ZSCAN32: variants seen among roughly 807,000 people sequenced by gnomAD.
ZSCAN32 encodes zinc finger and SCAN domain-containing protein 32.
ZSCAN32 carries 52 observed loss-of-function variants against 47.4 expected under a neutral mutation model. The ratio of observed to expected loss-of-function variants is 1.10; its 90% CI spans 0.88 to 1.38. The LOEUF (loss-of-function observed/expected upper bound fraction) is 1.38, where lower values mean the gene tolerates loss of function less well. Among genes scored for constraint, ZSCAN32 ranks in the 40% most tolerant of loss-of-function variants. The probability of loss-of-function intolerance (pLI) is 0.00; values close to 1 mark genes in which losing one functional copy is unlikely to be tolerated. For synonymous variants in ZSCAN32, 346 were observed against 305.7 expected (o/e 1.13, Z -1.38); for missense variants, 959 against 846.0 (o/e 1.13, Z -1.66).
chr16:3,387,506 A>G lies in ZSCAN32; in HGVS notation c.751+2504T>C, dbSNP rs139107138. 2.7e-3 allele frequency among the ~76,000 whole-genome samples: 411 copies of G among 152,278 alleles called. 2 individuals carry two copies. The highest frequency in any genetic ancestry group is 8.7e-3 in the Admixed American group (133 of 15,300). On this transcript the variant is annotated intron_variant, in intron 5 of 6. Coordinates refer to ENST00000396852, the MANE Select transcript of ZSCAN32 (RefSeq NM_001284527.2). ...CTACTAAATAACCCTCACCACACAC[A>G]CCTGCTGCCCATCTGGGCCAGTTCA...
intron 2 of ZSCAN32, 54 bp from the exon 3 acceptor site, chr16:3,393,868 T>C: frequency 6.9e-7 from 1 of 1,445,276 alleles, no homozygotes; most frequent in South Asian, 1.4e-5. Flanking sequence ...AGCTGGACTT[T>C]ACAACTCCTA....
rs751696132 is a variant in ZSCAN32 at position 3,392,023 on chromosome 16, CTT to C, written c.533-1508_533-1507del. Among the ~76,000 whole-genome samples the C allele has an allele frequency of 6.6e-5, 10 of 152,274 alleles. No homozygotes were observed. The East Asian group carries it at 7.7e-4, about 12-fold the overall frequency. On this transcript the variant is annotated intron_variant, in intron 3 of 6. Transcript: ENST00000396852. ...AGCCAAATTACTTTATGGAAAAAGA[CTT>C]ATAAAAATATAGACCCTTGGAATAT...
intron 5 of ZSCAN32, among the ~76,000 whole-genome samples, chr16:3,386,026 A>C (rs1336311334): frequency 4.6e-5 from 7 of 152,202 alleles, no homozygotes; most frequent in Admixed American, 1.3e-4. Flanking sequence ...AATGGGAGAA[A>C]ATTTTTGCAA....
rs144099672 is a variant in ZSCAN32 at position 3,384,924 on chromosome 16, C to G, written c.769G>C (p.Gly257Arg). Residue 257 changes from glycine (G) to arginine (R), a missense_variant, in exon 6 of 7, where the codon GGC becomes CGC. Physicochemically the swap from Gly to Arg is moderately radical, Grantham distance 125. Coordinates refer to ENST00000396852, the MANE Select transcript of ZSCAN32 (RefSeq NM_001284527.2). ...AGGAGCGTCTTGGTCTCTTCATAGCCCCAGGGCACACCTGTTGCTGGGGGA... is the reference window on the plus strand; with the variant it reads ...AGGAGCGTCTTGGTCTCTTCATAGCGCCAGGGCACACCTGTTGCTGGGGGA... ...HVSLATGVPW[G>R]YEETKTLLAI... 6.2e-7 allele frequency: 1 copy of G among 1,612,822 alleles called. No individual in the cohort carries two copies. Among genetic ancestry groups the G allele is most frequent in the Admixed American group, 1.7e-5 (1 of 59,898 alleles).
At chr16:3,391,670 A>C in intron 3 of ZSCAN32, among the ~76,000 whole-genome samples, 2 of 137,816 alleles carry the variant, frequency 1.5e-5, no homozygotes, top group Non-Finnish European at 1.6e-5. Flanking sequence ...CAAGAGTGAA[A>C]CTCCATCTCA....
At chr16:3,400,884 C>T (rs1393661581) in intron 1 of ZSCAN32, 61 bp downstream of exon 1, 2 of 152,324 alleles carry the variant, frequency 1.3e-5, no homozygotes, top group East Asian at 3.9e-4. Context: ...GGGAGGGGCT[C>T]CTCGGCCGTC....
At chr16:3,389,321 C>A (rs1458407941) in intron 5 of ZSCAN32, among the ~76,000 whole-genome samples, 2 of 152,132 alleles carry the variant, frequency 1.3e-5, no homozygotes, top group Admixed American at 6.5e-5. Flanking sequence ...GTGTTCACAG[C>A]CTTGTGTAGT....
chr16:3,384,472 G>C lies in ZSCAN32; in HGVS notation c.1221C>G (p.Phe407Leu). Residue 407 changes from phenylalanine (F) to leucine (L), a missense_variant, in exon 6 of 7, where the codon TTC (phenylalanine) becomes TTG (leucine). Physicochemically the swap from Phe to Leu is conservative, Grantham distance 22 (BLOSUM62 0). Coordinates refer to ENST00000396852, the MANE Select transcript of ZSCAN32 (RefSeq NM_001284527.2). Reference sequence around the variant, plus strand: ...AGGGAGTCTTACCAAGTCTGTTTGGGAACAGCACTGGCAGGTCTAGTTTCC... The same window carrying C: ...AGGGAGTCTTACCAAGTCTGTTTGGCAACAGCACTGGCAGGTCTAGTTTCC... ...EVRKLDLPVLFPNRLGFEFKN... is the reference protein window; with the variant it reads ...EVRKLDLPVLLPNRLGFEFKN... 1 of 1,614,108 alleles carries C rather than the reference G, an allele frequency of 6.2e-7. No individual in the cohort carries two copies. Among genetic ancestry groups the C allele is most frequent in the Non-Finnish European group, 8.5e-7 (1 of 1,180,010 alleles).
intron 3 of ZSCAN32, among the ~76,000 whole-genome samples, chr16:3,391,979 G>C (rs2032758340): frequency 6.6e-6 from 1 of 152,144 alleles, no homozygotes. Flanking sequence ...CAATTAAACA[G>C]AAAAGGCAGC....
Position 3,397,442 on chromosome 16 carries a change from C to T in ZSCAN32, c.116G>A (p.Arg39His), listed in dbSNP as rs989855613. 6.4e-6 allele frequency: 10 copies of T among 1,551,124 alleles called. No individual in the cohort carries two copies. Among genetic ancestry groups the T allele is most frequent in the Middle Eastern group, 1.7e-4 (1 of 6,014 alleles). ...CTCCTGGTAGCAAAACTGCCTGAAG[C>T]GCTGACGGGAGGCCTCGGAGTCAGG... Reference protein sequence around the residue: ...NSPDSEASRQRFRQFCYQEVT... With the variant: ...NSPDSEASRQHFRQFCYQEVT... The change falls in exon 2 of 7, where the codon CGC (arginine) becomes CAC (histidine). Residue 39 changes from arginine (R) to histidine (H), a missense_variant. By Grantham distance (29) the Arg-to-His change is conservative. Transcript: ENST00000396852.
chr16:3,389,280 T>C (rs577895048), intron 5 of ZSCAN32, among the ~76,000 whole-genome samples: 2 of 152,246 alleles, frequency 1.3e-5, no homozygotes, highest in Non-Finnish European at 2.9e-5. Flanking sequence ...GGCAACATTG[T>C]AGAGTGAGGC....
chr16:3,399,519 C>T (rs2033687707), intron 1 of ZSCAN32, among the ~76,000 whole-genome samples: 1 of 152,004 alleles, frequency 6.6e-6, no homozygotes, highest in African/African-American at 2.4e-5. Context: ...TCTCCAAGGC[C>T]AGTTTATGTA....
At chr16:3,394,091 C>T (rs2033135071) in intron 2 of ZSCAN32, among the ~76,000 whole-genome samples, 3 of 152,094 alleles carry the variant, frequency 2.0e-5, no homozygotes, top group Admixed American at 2.0e-4. Flanking sequence ...GTGAAAGAAA[C>T]CCCGTCTCTA....
rs1423095006 is a variant in ZSCAN32, at chr16:3,400,102, G to A, written c.-188+843C>T. Among the ~76,000 whole-genome samples, 3 of 152,238 alleles carry A rather than the reference G, an allele frequency of 2.0e-5. No individual in the cohort carries two copies. The East Asian group carries it at 5.8e-4, about 29-fold the overall frequency. On this transcript the variant is annotated intron_variant, in intron 1 of 6. Transcript: ENST00000396852. ...CTTAAAAATGGTTATGATGGTAAAT[G>A]TTTTTTAAAAATTAAAGAAATTTTT... is the stretch of plus-strand genomic sequence containing the variant.
At chr16:3,384,264 G>T in intron 6 of ZSCAN32, 195 bp downstream of exon 6, 1 of 702,534 alleles carries the variant, frequency 1.4e-6, no homozygotes, top group Non-Finnish European at 2.3e-6. Flanking sequence ...GAAAGAGGTT[G>T]GCAAATGCAA....
At chr16:3,397,842 A>AG in intron 1 of ZSCAN32, 98 bp from the exon 2 acceptor site, 10 of 302,962 alleles carry the variant, frequency 3.3e-5, no homozygotes, top group South Asian at 1.1e-4. Context: ...CTCCCTCCAC[A>AG]AATCTACACC....
At chr16:3,392,355 C>A (rs1047221833) in intron 3 of ZSCAN32, among the ~76,000 whole-genome samples, 2 of 148,984 alleles carry the variant, frequency 1.3e-5, no homozygotes, top group African/African-American at 2.5e-5. Context: ...TGTTATGTGA[C>A]CTTCACCTCA....
Position 3,397,272 on chromosome 16 carries a change from A to C in ZSCAN32, c.286T>G (p.Trp96Gly), listed in dbSNP as rs1222653384. The C allele has an allele frequency of 6.4e-7, 1 of 1,570,626 alleles. No individual in the cohort carries two copies. The highest frequency in any genetic ancestry group is 1.9e-5 in the Admixed American group (1 of 53,336). ...TTTTCTGGATGCTGCTCCCTCACCC[A>C]GGTCTGGATCTCCTCTGGCAAGATA... ...LTILPEEIQT[W>G]VREQHPENGE... Residue 96 changes from tryptophan to glycine, a missense_variant, in exon 2 of 7, where the codon TGG (tryptophan) becomes GGG (glycine). Transcript: ENST00000396852.
rs532203265 is a variant in ZSCAN32, at chr16:3,397,198, T to A, written c.360A>T (p.Gly120=). The A allele has an allele frequency of 9.2e-6, 14 of 1,524,306 alleles. No individual in the cohort carries two copies. Among genetic ancestry groups the A allele is most frequent in the Admixed American group, 2.2e-5 (1 of 45,516 alleles). The allele number at this position is 1,524,306 out of a possible 1,614,324, so 94.4% of individuals were successfully genotyped here. A position where few individuals can be genotyped will look rare whatever the true frequency, so the allele number is the denominator to read the frequency against. Residue 120 remains glycine, a synonymous_variant, in exon 2 of 7, where the codon GGA becomes GGT. Coordinates refer to ENST00000396852, the MANE Select transcript of ZSCAN32 (RefSeq NM_001284527.2). ...ALVEDVQRAP[G]QQVLDSEKDL... ...TCCGACTTCCTTTTCTCACCTGTTG[T>A]CCAGGAGCTCTCTGTACATCCTCAA... is the stretch of plus-strand genomic sequence containing the variant.
Sources: gnomAD v4.1 joint callset for allele counts (sites outside exome capture counted in the v4.1 genomes callset) on GRCh38, gnomAD v4.1.1 for gene constraint, MANE v1.5 for transcripts, NCBI Gene and HGNC (gene_info 2026-07-23, HGNC 2026-07-21) for gene names.